SH3GL2: variants seen among roughly 807,000 people sequenced by gnomAD.
The protein encoded by SH3GL2 is SH3 domain containing GRB2 like 2, endophilin A1.
A neutral mutation model predicts 46.0 loss-of-function variants in SH3GL2; 24 were observed. The observed-to-expected ratio is 0.52, with a 90% CI of 0.38 to 0.73. The LOEUF is 0.73. Ranked by LOEUF, SH3GL2 falls within the 30% of genes least tolerant of loss-of-function variation. The pLI, the probability that SH3GL2 is intolerant of heterozygous loss-of-function variation, is 0.00. For synonymous variants in SH3GL2, 196 were observed against 147.1 expected, an observed-to-expected ratio of 1.33 and a Z score of -2.40; for missense variants, 413 against 424.2, an observed-to-expected ratio of 0.97 and a Z score of 0.23.
intron 1 of SH3GL2, among the ~76,000 whole-genome samples, chr9:17,580,118 A>T (rs1373341792): frequency 6.6e-6 from 1 of 152,240 alleles, no homozygotes; most frequent in Non-Finnish European, 1.5e-5. Context: ...AAAGAATTTT[A>T]CATAGGGGCA....
chr9:17,791,329 A>G lies in SH3GL2; in HGVS notation c.723A>G (p.Glu241=). Residue 241 remains glutamate, a synonymous_variant, in exon 7 of 9, where the codon GAA becomes GAG. Coordinates refer to ENST00000380607, the MANE Select transcript of SH3GL2 (RefSeq NM_003026.5). ...QILQQVTVRL[E]ERIRQASSQP... ...TGCAGCAAGTCACGGTCAGACTGGAAGAAAGGTATTCTACAGTTCCCTGCA... is the reference window on the plus strand; with the variant it reads ...TGCAGCAAGTCACGGTCAGACTGGAGGAAAGGTATTCTACAGTTCCCTGCA... The G allele has an allele frequency of 6.3e-7, 1 of 1,599,466 alleles. No individual in the cohort carries two copies. Among genetic ancestry groups the G allele is most frequent in the South Asian group, 1.1e-5 (1 of 90,758 alleles).
chr9:17,714,039 A>G (rs898178124), intron 1 of SH3GL2, among the ~76,000 whole-genome samples: 1 of 151,560 alleles, frequency 6.6e-6, no homozygotes, highest in Non-Finnish European at 1.5e-5. Flanking sequence ...TTTTTGCTTC[A>G]TGTATTGGAA....
chr9:17,749,852 A>G (rs2182091), intron 2 of SH3GL2, among the ~76,000 whole-genome samples: 4 of 151,942 alleles, frequency 2.6e-5, no homozygotes, highest in Admixed American at 2.6e-4. Context: ...AGTAAGGTAT[A>G]AGGATTATTT....
chr9:17,789,031 G>A (rs1166563429), intron 5 of SH3GL2, among the ~76,000 whole-genome samples: 1 of 152,180 alleles, frequency 6.6e-6, no homozygotes. Context: ...GGGCCTGTGG[G>A]GCCTGTGAGT....
chr9:17,594,963 A>G (rs1818544948), intron 1 of SH3GL2, among the ~76,000 whole-genome samples: 1 of 152,214 alleles, frequency 6.6e-6, no homozygotes, highest in Non-Finnish European at 1.5e-5. Flanking sequence ...GTAGAATTTA[A>G]AGCACACCCT....
chr9:17,589,170 G>C (rs1472367585), intron 1 of SH3GL2: 2 of 152,006 alleles, frequency 1.3e-5, no homozygotes, highest in South Asian at 4.1e-4. Context: ...TAATACATAA[G>C]GCTCAGTATG....
At chr9:17,684,007 A>T (rs1718648398) in intron 1 of SH3GL2, among the ~76,000 whole-genome samples, 1 of 152,126 alleles carries the variant, frequency 6.6e-6, no homozygotes, top group Non-Finnish European at 1.5e-5. Flanking sequence ...CAGTCTCTAT[A>T]GTTCTGCACA....
chr9:17,693,902 A>T (rs1305364660), intron 1 of SH3GL2, among the ~76,000 whole-genome samples: 1 of 152,182 alleles, frequency 6.6e-6, no homozygotes, highest in Non-Finnish European at 1.5e-5. Flanking sequence ...ATTTCTATTG[A>T]TAAAAGAATT....
chr9:17,638,419 A>T (rs1481638379), intron 1 of SH3GL2, among the ~76,000 whole-genome samples: 2 of 152,200 alleles, frequency 1.3e-5, no homozygotes, highest in Admixed American at 6.5e-5. Context: ...CCTGTATCTT[A>T]CTTACAGTAG....
At chr9:17,709,382 G>T (rs773574075) in intron 1 of SH3GL2, among the ~76,000 whole-genome samples, 2 of 151,946 alleles carry the variant, frequency 1.3e-5, no homozygotes, top group African/African-American at 4.8e-5. Flanking sequence ...TATTTCTTGT[G>T]TAGCAAGTCC....
Position 17,791,311 on chromosome 9 carries a change from A to T in SH3GL2, c.705A>T (p.Gln235His). Residue 235 changes from glutamine (Q) to histidine (H), a missense_variant, in exon 7 of 9, where the codon CAA becomes CAT. Around this residue, in one of 3 missense-constraint regions of SH3GL2, gnomAD observed 248 missense variants for 215.0 expected, o/e 1.15. Transcript: ENST00000380607. ...AGCAGGCAGTCCAGATCCTGCAGCAAGTCACGGTCAGACTGGAAGAAAGGT... is the reference window on the plus strand; with the variant it reads ...AGCAGGCAGTCCAGATCCTGCAGCATGTCACGGTCAGACTGGAAGAAAGGT... ...YHKQAVQILQ[Q>H]VTVRLEERIR... The T allele has an allele frequency of 6.2e-7, 1 of 1,612,138 alleles. No homozygotes were observed. Among genetic ancestry groups the T allele is most frequent in the Non-Finnish European group, 8.5e-7 (1 of 1,178,186 alleles).
intron 1 of SH3GL2, among the ~76,000 whole-genome samples, chr9:17,728,258 T>C (rs1039787871): frequency 2.6e-5 from 4 of 152,012 alleles, no homozygotes; most frequent in African/African-American, 7.2e-5. Flanking sequence ...CTGAGGAAAA[T>C]TGATTTACTA....
intron 1 of SH3GL2, among the ~76,000 whole-genome samples, chr9:17,623,931 A>G (rs1276497855): frequency 6.6e-6 from 1 of 152,238 alleles, no homozygotes; most frequent in Admixed American, 6.5e-5. Flanking sequence ...TTATATTCCA[A>G]TTAACAAGTT....
chr9:17,602,461 T>C (rs575994609), intron 1 of SH3GL2, among the ~76,000 whole-genome samples: 1 of 152,266 alleles, frequency 6.6e-6, no homozygotes, highest in East Asian at 1.9e-4. Context: ...CATACCCCAA[T>C]GCAGAGGCCA....
intron 1 of SH3GL2, among the ~76,000 whole-genome samples, chr9:17,733,914 T>A (rs549631615): frequency 2.0e-5 from 3 of 152,110 alleles, no homozygotes; most frequent in Non-Finnish European, 4.4e-5. Context: ...AGGTGGGAAT[T>A]GAACAATGAG....
At position 17,665,261 on chromosome 9, in the gene SH3GL2, C is replaced by T. The variant is rs1056046505; in HGVS notation, c.46-81805C>T. ...TTTTATATCCAGTCCACAATCTGAACTTAAATTTTGTCAGTTGTCCCAATA... is the reference window on the plus strand; with the variant it reads ...TTTTATATCCAGTCCACAATCTGAATTTAAATTTTGTCAGTTGTCCCAATA... On this transcript the variant is annotated intron_variant, in intron 1 of 8. Transcript: ENST00000380607. 2.0e-5 allele frequency among the ~76,000 whole-genome samples: 3 copies of T among 152,128 alleles called. No homozygotes were observed. The South Asian group carries it at 6.2e-4, about 31-fold the overall frequency.
At chr9:17,735,594 T>A (rs1296804517) in intron 1 of SH3GL2, 1 of 155,612 alleles carries the variant, frequency 6.4e-6, no homozygotes, top group Non-Finnish European at 1.4e-5. Flanking sequence ...GACCAACTTT[T>A]TGTATATGTG....
chr9:17,698,050 T>G (rs1821252384), intron 1 of SH3GL2, among the ~76,000 whole-genome samples: 1 of 152,224 alleles, frequency 6.6e-6, no homozygotes, highest in South Asian at 2.1e-4. Context: ...AGGATTTTGG[T>G]GTCAACCTTA....
At chr9:17,736,537 G>A (rs1336598518) in intron 1 of SH3GL2, among the ~76,000 whole-genome samples, 1 of 152,050 alleles carries the variant, frequency 6.6e-6, no homozygotes, top group African/African-American at 2.4e-5. Context: ...GTATCTGTGA[G>A]CATGGTGCCA....
Sources: allele counts gnomAD v4.1 joint callset (sites outside exome capture counted in the v4.1 genomes callset), GRCh38; gene constraint gnomAD v4.1.1; regional missense constraint gnomAD v4.1.1; transcripts MANE v1.5; gene names NCBI Gene and HGNC (gene_info 2026-07-23, HGNC 2026-07-21).